The following PCDHGA11 variants were observed in gnomAD, a reference collection of about 807,000 sequenced individuals.
PCDHGA11 encodes protocadherin gamma-A11.
In PCDHGA11, 39 loss-of-function variants were observed where a neutral mutation model predicts 60.4. That is an observed-to-expected ratio of 0.65 (90% CI 0.50 to 0.84). The LOEUF (loss-of-function observed/expected upper bound fraction) is 0.84. Among genes scored for constraint, PCDHGA11 ranks in the 40% least tolerant of loss-of-function variants. The pLI is 0.00. For synonymous variants in PCDHGA11, 533 were observed against 510.3 expected (o/e 1.04, Z -0.60); for missense variants, 1,165 against 1,197.7 (o/e 0.97, Z 0.40).
intron 2 of PCDHGA11, among the ~76,000 whole-genome samples, chr5:141,496,955 G>T (rs2099772887): frequency 6.6e-6 from 1 of 152,006 alleles, no homozygotes; most frequent in African/African-American, 2.4e-5. Context: ...GGAGGCCAAG[G>T]TGGGTAGATC....
chr5:141,489,250 A>C lies in PCDHGA11; in HGVS notation c.2434-5557A>C. 1 of 1,546,554 alleles carries C rather than the reference A, an allele frequency of 6.5e-7. No individual in the cohort carries two copies. The highest frequency in any genetic ancestry group is 8.7e-7 in the Non-Finnish European group (1 of 1,146,722). On this transcript the variant is annotated intron_variant, in intron 1 of 3. Transcript: ENST00000398587. This position sits in a 1 kb window ranked among gnomAD's most constrained non-coding sequence, Gnocchi z 4.5. The stretch of plus-strand genomic sequence containing the variant: ...AAGGGACTTCTGGGTCATGGGGCCC[A>C]AGACACTCCCACAGCTCGCTGGGAA...
At position 141,476,946 on chromosome 5, in the gene PCDHGA11, G is replaced by A; in HGVS notation, c.2434-17861G>A. ...ACGGATCTGGATGAAGGCCCCAACG[G>A]TGAAATTATTTACTCCTTCGGCAGC... On this transcript the variant is annotated intron_variant, in intron 1 of 3. Transcript: ENST00000398587. The surrounding 1 kb of genome is among the most constrained non-coding windows in gnomAD (Gnocchi z 7.6). The A allele has an allele frequency of 6.2e-7, 1 of 1,614,206 alleles. No individual in the cohort carries two copies. Among genetic ancestry groups the A allele is most frequent in the Non-Finnish European group, 8.5e-7 (1 of 1,180,044 alleles).
intron 2 of PCDHGA11, 107 bp from the exon 3 acceptor site, chr5:141,505,286 A>T: frequency 3.2e-6 from 5 of 1,551,278 alleles, no homozygotes; most frequent in Non-Finnish European, 4.4e-6. Flanking sequence ...GGTCTTGGGC[A>T]TGGGGTAGGG....
chr5:141,445,991 T>C (rs532620580), intron 1 of PCDHGA11, among the ~76,000 whole-genome samples: 147 of 152,168 alleles, frequency 9.7e-4, no homozygotes, highest in Admixed American at 3.4e-3. Context: ...TAAATAGAAA[T>C]AGGAAGATAA....
At chr5:141,427,396 A>G (rs1303085720) in intron 1 of PCDHGA11, 1 of 460,578 alleles carries the variant, frequency 2.2e-6, no homozygotes, top group Non-Finnish European at 4.4e-6. Context: ...AAAACACATG[A>G]TAAAGATTCG....
chr5:141,490,402 G>A lies in PCDHGA11; in HGVS notation c.2434-4405G>A. On this transcript the variant is annotated intron_variant, in intron 1 of 3. Coordinates refer to ENST00000398587, the MANE Select transcript of PCDHGA11 (RefSeq NM_018914.3). This position sits in a 1 kb window ranked among gnomAD's most constrained non-coding sequence, Gnocchi z 5.4. The stretch of plus-strand genomic sequence containing the variant: ...AGGTAGAAATGGTGAAGTGAGCCTT[G>A]ATATCTCTCCGGACCTGCCATTTCA... 6.2e-7 allele frequency: 1 copy of A among 1,614,182 alleles called. No homozygotes were observed. The highest frequency in any genetic ancestry group is 8.5e-7 in the Non-Finnish European group (1 of 1,180,024).
chr5:141,507,495 G>T (rs375483743), intron 3 of PCDHGA11, among the ~76,000 whole-genome samples: 2 of 152,234 alleles, frequency 1.3e-5, no homozygotes, highest in Non-Finnish European at 2.9e-5. Context: ...AGGCAGAGCT[G>T]TCCCAGGTCT....
intron 1 of PCDHGA11, among the ~76,000 whole-genome samples, chr5:141,474,010 C>G (rs989832548): frequency 1.3e-5 from 2 of 152,092 alleles, no homozygotes; most frequent in Admixed American, 1.3e-4. Flanking sequence ...CTGGAAGTTA[C>G]AGTGAGCTAT....
chr5:141,438,368 G>A (rs1216571092), intron 1 of PCDHGA11, among the ~76,000 whole-genome samples: 2 of 151,558 alleles, frequency 1.3e-5, no homozygotes, highest in African/African-American at 4.8e-5. Context: ...GTCATTGAGG[G>A]CAGATATAAT....
Position 141,454,796 on chromosome 5 carries a change from A to ATTT in PCDHGA11, c.2433+31163_2433+31165dup, listed in dbSNP as rs61612330. 3.3e-3 allele frequency among the ~76,000 whole-genome samples: 253 copies of ATTT among 77,450 alleles called. 31 individuals carry two copies. The highest frequency in any genetic ancestry group is 0.02 in the South Asian group (39 of 1,960). The allele number at this position is 77,450 out of a possible 152,430, so 50.8% of individuals were successfully genotyped here. ...AAGGAAATAATCCTCCATGGTTCTA[A>ATTT]TTTTTTTTTTTTTTTTTTTTTTTTT... On this transcript the variant is annotated intron_variant, in intron 1 of 3. Coordinates refer to ENST00000398587, the MANE Select transcript of PCDHGA11 (RefSeq NM_018914.3).
chr5:141,431,273 C>T lies in PCDHGA11; in HGVS notation c.2433+7613C>T, dbSNP rs752219345. 54 of 1,614,068 alleles carry T rather than the reference C, an allele frequency of 3.3e-5. No individual in the cohort carries two copies. Among genetic ancestry groups the T allele is most frequent in the Non-Finnish European group, 4.1e-5 (48 of 1,180,052 alleles). On this transcript the variant is annotated intron_variant, in intron 1 of 3. Transcript: ENST00000398587. The surrounding 1 kb of genome is among the most constrained non-coding windows in gnomAD (Gnocchi z 4.8). Reference sequence around the variant, plus strand: ...GAAGAACTCTCTGCAGAGCTACGAGCTCAGCCCGAACACTCACTTCTCCCT... The same window carrying T: ...GAAGAACTCTCTGCAGAGCTACGAGTTCAGCCCGAACACTCACTTCTCCCT...
At chr5:141,478,016 G>A (rs1204231648) in intron 1 of PCDHGA11, 1 of 1,614,108 alleles carries the variant, frequency 6.2e-7, no homozygotes, top group Non-Finnish European at 8.5e-7. Context: ...TGCCCGTCCA[G>A]TCCAAGACAC....
intron 2 of PCDHGA11, among the ~76,000 whole-genome samples, chr5:141,499,675 T>A (rs1426498530): frequency 2.0e-5 from 3 of 150,746 alleles, no homozygotes; most frequent in African/African-American, 7.3e-5. Flanking sequence ...GTCTCCACCA[T>A]CTTTAACAGA....
chr5:141,427,319 G>T (rs1184530487), intron 1 of PCDHGA11: 4 of 456,958 alleles, frequency 8.8e-6, no homozygotes, highest in African/African-American at 8.0e-5. Flanking sequence ...CCCCAGACGT[G>T]GTTTTTACTT....
At chr5:141,458,289 T>G (rs2154566205) in intron 1 of PCDHGA11, among the ~76,000 whole-genome samples, 1 of 152,280 alleles carries the variant, frequency 6.6e-6, no homozygotes, top group African/African-American at 2.4e-5. Flanking sequence ...CTGGTCCTCA[T>G]GCTGGTTTAG....
rs1433790348 is a variant in PCDHGA11, at chr5:141,431,831, G to A, written c.2433+8171G>A. The A allele has an allele frequency of 1.2e-6, 2 of 1,614,110 alleles. No homozygotes were observed. The highest frequency in any genetic ancestry group is 1.7e-6 in the Non-Finnish European group (2 of 1,180,040). On this transcript the variant is annotated intron_variant, in intron 1 of 3. Transcript: ENST00000398587. The surrounding 1 kb of genome is among the most constrained non-coding windows in gnomAD (Gnocchi z 4.8). Reference sequence around the variant, plus strand: ...CACCTCTCTCGCCAGCTCGGTTCCCGAAAACTCTCCCAGAGGGACATTAAT... The same window carrying A: ...CACCTCTCTCGCCAGCTCGGTTCCCAAAAACTCTCCCAGAGGGACATTAAT...
chr5:141,492,553 G>C (rs1184580300), intron 1 of PCDHGA11, among the ~76,000 whole-genome samples: 1 of 152,148 alleles, frequency 6.6e-6, no homozygotes, highest in Non-Finnish European at 1.5e-5. Flanking sequence ...CGGGTCGCCT[G>C]GGGGGCGGCC....
intron 1 of PCDHGA11, among the ~76,000 whole-genome samples, chr5:141,458,215 T>C (rs2098940075): frequency 1.3e-5 from 2 of 152,174 alleles, no homozygotes; most frequent in African/African-American, 2.4e-5. Context: ...TTAAAATAAG[T>C]TTCCTTTCCC....
At chr5:141,497,722 T>C (rs1395904793) in intron 2 of PCDHGA11, among the ~76,000 whole-genome samples, 1 of 152,030 alleles carries the variant, frequency 6.6e-6, no homozygotes, top group Non-Finnish European at 1.5e-5. Flanking sequence ...GTATTTTTAG[T>C]AGAGATGGGT....
Sources: gnomAD v4.1 joint callset for allele counts (sites outside exome capture counted in the v4.1 genomes callset) on GRCh38, gnomAD v4.1.1 for gene constraint, Gnocchi (gnomAD v3.1) non-coding constraint, MANE v1.5 for transcripts, NCBI Gene and HGNC (gene_info 2026-07-23, HGNC 2026-07-21) for gene names.